The following WIPI1 variants were observed in gnomAD, a reference collection of about 807,000 sequenced individuals.
The protein encoded by WIPI1 is WD repeat domain, phosphoinositide interacting 1.
Under a neutral mutation model 55.3 loss-of-function variants are expected in WIPI1, and 45 were observed. That is an observed-to-expected ratio of 0.81 (90% CI 0.64 to 1.04). The LOEUF (loss-of-function observed/expected upper bound fraction) is 1.04, where lower values mean the gene tolerates loss of function less well. Ranked by LOEUF, WIPI1 falls within the 50% of genes least tolerant of loss-of-function variation. The pLI is 0.00. For synonymous variants in WIPI1, 195 were observed against 217.6 expected (o/e 0.90, Z 0.92); for missense variants, 445 against 559.0 (o/e 0.80, Z 2.06).
rs774304379 is a variant in WIPI1 at position 68,430,104 on chromosome 17, G to A, written c.857C>T (p.Ala286Val). 1 of 1,614,056 alleles carries A rather than the reference G, an allele frequency of 6.2e-7. No individual in the cohort carries two copies. Among genetic ancestry groups the A allele is most frequent in the Non-Finnish European group, 8.5e-7 (1 of 1,180,018 alleles). The change falls in exon 9 of 13, where the codon GCT becomes GTT. Residue 286 changes from alanine to valine, a missense_variant. By Grantham distance (64) the Ala-to-Val change is moderately conservative. Coordinates refer to ENST00000262139, the MANE Select transcript of WIPI1 (RefSeq NM_017983.7). ...CACCTGGGTAGGGAGGTAGTTGGTA[G>A]CAGCCATAAACATCTTTCCCATGTA... ...SGYMGKMFMA[A>V]TNYLPTQVSD...
At chr17:68,421,966 A>G in intron 12 of WIPI1, 146 bp from the exon 13 acceptor site, 1 of 905,674 alleles carries the variant, frequency 1.1e-6, no homozygotes, top group Non-Finnish European at 1.8e-6. Context: ...GCTCATGGCC[A>G]CAGAATGGTC....
chr17:68,435,602 T>C lies in WIPI1; in HGVS notation c.621+18A>G, dbSNP rs1174467620. The C allele has an allele frequency of 3.1e-6, 5 of 1,612,702 alleles. No homozygotes were observed. The East Asian group carries it at 1.1e-4, about 36-fold the overall frequency. Reference sequence around the variant, plus strand: ...TCCAGCGAAACCCAGACAGAGGTGTTGGTGGGAGTGGACTCACTTTTTCAG... The same window carrying C: ...TCCAGCGAAACCCAGACAGAGGTGTCGGTGGGAGTGGACTCACTTTTTCAG... On this transcript the variant is annotated intron_variant, in intron 6 of 12. Transcript: ENST00000262139.
intron 1 of WIPI1, among the ~76,000 whole-genome samples, chr17:68,453,767 T>C (rs2084578671): frequency 6.6e-6 from 1 of 152,070 alleles, no homozygotes; most frequent in Non-Finnish European, 1.5e-5. Flanking sequence ...CCACCATGCC[T>C]GGTCTAAGAA....
intron 3 of WIPI1, among the ~76,000 whole-genome samples, chr17:68,444,915 CTTTTTTTTTTT>C (rs10607287): frequency 1.1e-5 from 1 of 89,090 alleles, no homozygotes; most frequent in African/African-American, 4.8e-5. Context: ...ATCCTGAACA[CTTTTTTTTTTT>C]TTTTTTTTTT....
intron 1 of WIPI1, among the ~76,000 whole-genome samples, chr17:68,453,996 A>G (rs1043366363): frequency 6.6e-6 from 1 of 152,212 alleles, no homozygotes; most frequent in Non-Finnish European, 1.5e-5. Context: ...ATATCCTACA[A>G]AGCAATCATC....
At chr17:68,446,330 G>A (rs902424289) in intron 3 of WIPI1, among the ~76,000 whole-genome samples, 4 of 151,928 alleles carry the variant, frequency 2.6e-5, no homozygotes, top group African/African-American at 7.3e-5. Flanking sequence ...ACAGGTGTGC[G>A]CCACCATGCC....
intron 4 of WIPI1, among the ~76,000 whole-genome samples, chr17:68,438,309 G>A (rs914423405): frequency 1.4e-4 from 22 of 152,258 alleles, no homozygotes; most frequent in African/African-American, 4.6e-4. Flanking sequence ...GAGGCCACTC[G>A]TCCATTTCCA....
At position 68,434,543 on chromosome 17, in the gene WIPI1, A is replaced by G; in HGVS notation, c.692+13T>C. The G allele has an allele frequency of 2.5e-6, 4 of 1,613,700 alleles. No homozygotes were observed. Among genetic ancestry groups the G allele is most frequent in the Non-Finnish European group, 3.4e-6 (4 of 1,179,714 alleles). Reference sequence around the variant, plus strand: ...GCGGGGACTTTAAAATGGGTTTGACATTGAACACAGACCTTTTCATCCCTC... The same window carrying G: ...GCGGGGACTTTAAAATGGGTTTGACGTTGAACACAGACCTTTTCATCCCTC... On this transcript the variant is annotated intron_variant, in intron 7 of 12. Coordinates refer to ENST00000262139, the MANE Select transcript of WIPI1 (RefSeq NM_017983.7).
In WIPI1 at chr17:68,437,010, A is replaced by ATGTG. The variant is rs758693659; in HGVS notation, c.431-532_431-531insCACA. Among the ~76,000 whole-genome samples the ATGTG allele has an allele frequency of 3.1e-3, 239 of 77,952 alleles. 1 individual carries two copies. Among genetic ancestry groups the ATGTG allele is most frequent in the East Asian group, 0.017 (70 of 4,096 alleles). 51.1% of individuals were successfully genotyped at this position (77,952 alleles called of 152,430 possible). A position where few individuals can be genotyped will look rare whatever the true frequency, so the allele number is the denominator to read the frequency against. On this transcript the variant is annotated intron_variant, in intron 4 of 12. Coordinates refer to ENST00000262139, the MANE Select transcript of WIPI1 (RefSeq NM_017983.7). ...CCCCGTCTCAAAAAAAAAAAAATATATATATATGTGTGTGTGTGTGTGTGT... is the reference window on the plus strand; with the variant it reads ...CCCCGTCTCAAAAAAAAAAAAATATATGTGTATATATGTGTGTGTGTGTGTGTGT...
chr17:68,441,517 A>G (rs1353700454), intron 4 of WIPI1, among the ~76,000 whole-genome samples: 1 of 152,216 alleles, frequency 6.6e-6, no homozygotes, highest in Non-Finnish European at 1.5e-5. Flanking sequence ...GAGGATGAGA[A>G]CAGATAAGGC....
intron 1 of WIPI1, among the ~76,000 whole-genome samples, chr17:68,455,268 CAGG>C (rs893434462): frequency 4.0e-5 from 6 of 148,872 alleles, no homozygotes; most frequent in African/African-American, 1.5e-4. Context: ...GAGGCTGAGA[CAGG>C]AGAATCGCTT....
intron 1 of WIPI1, 105 bp downstream of exon 1, chr17:68,457,237 C>G: frequency 2.9e-6 from 4 of 1,380,920 alleles, no homozygotes; most frequent in East Asian, 2.9e-5. Flanking sequence ...GCCCTCCCGC[C>G]GAGGCCGCCT....
At chr17:68,428,743 G>T in intron 10 of WIPI1, 86 bp downstream of exon 10, 2 of 1,002,054 alleles carry the variant, frequency 2.0e-6, no homozygotes, top group Non-Finnish European at 3.1e-6. Flanking sequence ...CAATGCAAGG[G>T]CACTGAAGCT....
intron 4 of WIPI1, among the ~76,000 whole-genome samples, chr17:68,439,815 T>C (rs2084000918): frequency 6.6e-6 from 1 of 152,186 alleles, no homozygotes; most frequent in East Asian, 1.9e-4. Flanking sequence ...TACCGTGATA[T>C]AGAGGTCTTT....
chr17:68,450,475 G>T (rs2084456474), intron 3 of WIPI1, among the ~76,000 whole-genome samples: 1 of 152,206 alleles, frequency 6.6e-6, no homozygotes, highest in South Asian at 2.1e-4. Context: ...TGTACCCTAG[G>T]GAGAGGGTGC....
chr17:68,456,619 C>T (rs768115983), intron 1 of WIPI1, among the ~76,000 whole-genome samples: 3 of 152,226 alleles, frequency 2.0e-5, no homozygotes, highest in Non-Finnish European at 4.4e-5. Flanking sequence ...TAAAAATCCA[C>T]TCAAAAACAA....
chr17:68,441,669 T>C lies in WIPI1; in HGVS notation c.430+2824A>G, dbSNP rs369658920. 6.6e-4 allele frequency among the ~76,000 whole-genome samples: 101 copies of C among 152,120 alleles called. 1 individual carries two copies. The highest frequency in any genetic ancestry group is 2.3e-3 in the African/African-American group (96 of 41,494). ...GGGACAGAGAGGGCTGCGGAGTGAG[T>C]CTGACTGCCCGCATGGACAGGGCGG... On this transcript the variant is annotated intron_variant, in intron 4 of 12. Transcript: ENST00000262139.
chr17:68,437,394 A>C (rs1196545375), intron 4 of WIPI1, among the ~76,000 whole-genome samples: 1 of 151,950 alleles, frequency 6.6e-6, no homozygotes. Flanking sequence ...GTCTCTATTA[A>C]AAATACAAAA....
chr17:68,426,244 G>GT, intron 11 of WIPI1, 69 bp from the exon 12 acceptor site: 1 of 985,756 alleles, frequency 1.0e-6, no homozygotes, highest in South Asian at 1.3e-5. Flanking sequence ...CTGGCGGGTG[G>GT]GGAGCGGGGG....
Sources: gnomAD v4.1 joint callset for allele counts (sites outside exome capture counted in the v4.1 genomes callset) on GRCh38, gnomAD v4.1.1 for gene constraint, MANE v1.5 for transcripts, NCBI Gene and HGNC (gene_info 2026-07-23, HGNC 2026-07-21) for gene names.